Variants in EYA1 observed in about 807,000 individuals in gnomAD.
The protein encoded by EYA1 is protein phosphatase EYA1.
In EYA1, 16 loss-of-function variants were observed where a neutral mutation model predicts 82.0. That is an observed-to-expected ratio of 0.20 (90% confidence interval 0.13 to 0.30). The LOEUF (loss-of-function observed/expected upper bound fraction) is 0.30. EYA1 is among the 10% of genes least tolerant of loss of function. The pLI, the probability that EYA1 is intolerant of heterozygous loss-of-function variation, is 1.00. For missense variants in EYA1, 633 were observed against 730.7 expected (o/e 0.87, Z 1.54); for synonymous variants, 261 against 264.4 (o/e 0.99, Z 0.12).
At chr8:71,472,344 G>A (rs1343582248) in intron 2 of EYA1, among the ~76,000 whole-genome samples, 1 of 152,100 alleles carries the variant, frequency 6.6e-6, no homozygotes, top group Admixed American at 6.6e-5. Context: ...CTATTGAAAT[G>A]ATGGTGATGT....
chr8:71,442,103 C>T (rs778379601), intron 2 of EYA1, among the ~76,000 whole-genome samples: 31 of 152,152 alleles, frequency 2.0e-4, no homozygotes, highest in Non-Finnish European at 4.3e-4. Context: ...TTATAATAGT[C>T]TAAGAAGACT....
chr8:71,205,629 ATTATAGAG>A (rs1432494465), intron 17 of EYA1, among the ~76,000 whole-genome samples: 1 of 152,190 alleles, frequency 6.6e-6, no homozygotes, highest in African/African-American at 2.4e-5. Context: ...TATGATGCAA[ATTATAGAG>A]TTAAATTACT....
In EYA1 at chr8:71,397,288, A is replaced by G. The variant is rs183129394; in HGVS notation, c.34-40777T>C. ...TAATTGGAGCATTTAGCCTATTTAC[A>G]TTTAAGGTTAATATTGTTATGTGTG... On this transcript the variant is annotated intron_variant, in intron 2 of 18. Transcript: ENST00000643681. 1.2e-3 allele frequency among the ~76,000 whole-genome samples: 180 copies of G among 152,240 alleles called. 2 individuals are homozygous for G. The highest frequency in any genetic ancestry group is 2.3e-3 in the Non-Finnish European group (154 of 68,010).
At chr8:71,436,636 C>T (rs1422562466) in intron 2 of EYA1, among the ~76,000 whole-genome samples, 1 of 152,132 alleles carries the variant, frequency 6.6e-6, no homozygotes, top group African/African-American at 2.4e-5. Context: ...GGAATAAATG[C>T]ATCCTCCAGA....
intron 2 of EYA1, among the ~76,000 whole-genome samples, chr8:71,375,866 T>A (rs1586581029): frequency 6.6e-6 from 1 of 152,144 alleles, no homozygotes; most frequent in Admixed American, 6.5e-5. Context: ...TGACCTCAGG[T>A]GATCCACCTG....
chr8:71,499,390 A>C (rs1267671487), intron 2 of EYA1, among the ~76,000 whole-genome samples: 1 of 152,184 alleles, frequency 6.6e-6, no homozygotes, highest in Admixed American at 6.5e-5. Flanking sequence ...GAAGTAGTAC[A>C]ATCATCTCTA....
intron 11 of EYA1, among the ~76,000 whole-genome samples, chr8:71,258,354 G>T (rs1216696447): frequency 6.6e-6 from 1 of 152,200 alleles, no homozygotes; most frequent in Admixed American, 6.5e-5. Context: ...AGTCCATATA[G>T]CCCTGGAGGT....
intron 2 of EYA1, among the ~76,000 whole-genome samples, chr8:71,488,928 G>A (rs1429748814): frequency 1.3e-5 from 2 of 152,150 alleles, no homozygotes; most frequent in Non-Finnish European, 2.9e-5. Flanking sequence ...GCTTTAGAAT[G>A]TATCTCCTGT....
chr8:71,259,802 T>C (rs977632706), intron 11 of EYA1, among the ~76,000 whole-genome samples: 1 of 152,204 alleles, frequency 6.6e-6, no homozygotes, highest in East Asian at 1.9e-4. Flanking sequence ...AAAAACAAAA[T>C]ATCTCTTCTC....
Position 71,356,506 on chromosome 8 carries a change from T to A in EYA1, c.-49A>T. The stretch of plus-strand genomic sequence containing the variant: ...CAACATCTGAACTGGCTTGAGATGT[T>A]TGCACCTGTGATCAGGGGTAAAAAA... On this transcript the variant is annotated 5_prime_UTR_variant, in exon 2 of 18. Coordinates refer to ENST00000340726, the MANE Select transcript of EYA1 (RefSeq NM_000503.6). 1 of 1,576,540 alleles carries A rather than the reference T, an allele frequency of 6.3e-7. No homozygotes were observed. Among genetic ancestry groups the A allele is most frequent in the African/African-American group, 1.3e-5 (1 of 74,288 alleles).
intron 2 of EYA1, among the ~76,000 whole-genome samples, chr8:71,535,483 G>A (rs568131427): frequency 2.0e-5 from 3 of 152,196 alleles, no homozygotes; most frequent in African/African-American, 7.2e-5. Context: ...ATGCATATTG[G>A]GATAATTACA....
chr8:71,253,707 T>G (rs1814032811), intron 11 of EYA1, among the ~76,000 whole-genome samples: 1 of 152,124 alleles, frequency 6.6e-6, no homozygotes, highest in African/African-American at 2.4e-5. Context: ...GTTCTCTCAC[T>G]TGAAACTAAG....
At chr8:71,392,565 G>T (rs1829341210) in intron 2 of EYA1, among the ~76,000 whole-genome samples, 1 of 152,124 alleles carries the variant, frequency 6.6e-6, no homozygotes, top group Admixed American at 6.6e-5. Flanking sequence ...ATAGGCTGTA[G>T]TGAGCTTACT....
intron 2 of EYA1, among the ~76,000 whole-genome samples, chr8:71,428,292 C>T (rs1217993390): frequency 6.6e-6 from 1 of 152,134 alleles, no homozygotes; most frequent in East Asian, 1.9e-4. Context: ...TCAGTTGATG[C>T]TTTAAAACAA....
intron 9 of EYA1, among the ~76,000 whole-genome samples, chr8:71,281,620 T>G (rs1817824256): frequency 1.3e-5 from 2 of 152,260 alleles, no homozygotes; most frequent in Admixed American, 1.3e-4. Context: ...CTGTGATTCT[T>G]GCATCACTGG....
chr8:71,503,051 T>C (rs1811930673), intron 2 of EYA1, among the ~76,000 whole-genome samples: 2 of 152,224 alleles, frequency 1.3e-5, no homozygotes, highest in South Asian at 4.1e-4. Flanking sequence ...TTTCTATACA[T>C]ACATTTCTTT....
At chr8:71,431,550 G>A (rs539522942) in intron 2 of EYA1, among the ~76,000 whole-genome samples, 1 of 152,254 alleles carries the variant, frequency 6.6e-6, no homozygotes, top group Non-Finnish European at 1.5e-5. Context: ...GACATGTATA[G>A]GAAACAGAAT....
intron 2 of EYA1, among the ~76,000 whole-genome samples, chr8:71,381,816 G>C (rs1259542932): frequency 2.0e-5 from 3 of 152,052 alleles, no homozygotes; most frequent in African/African-American, 7.3e-5. Flanking sequence ...TACACAATCT[G>C]GTGTGCAGAC....
rs367978872 is a variant in EYA1, at chr8:71,215,600, G to T, written c.1475+14C>A. Reference sequence around the variant, plus strand: ...TTGCCCATTTCCTGGCAAAGACCCCGCAGAGAGCCTCACCGGGAGTGAATG... The same window carrying T: ...TTGCCCATTTCCTGGCAAAGACCCCTCAGAGAGCCTCACCGGGAGTGAATG... On this transcript the variant is annotated intron_variant, in intron 15 of 17. Transcript: ENST00000340726. The T allele has an allele frequency of 3.1e-6, 5 of 1,611,136 alleles. No individual in the cohort carries two copies. The highest frequency in any genetic ancestry group is 1.7e-6 in the Non-Finnish European group (2 of 1,177,444).
Sources: gnomAD v4.1 joint callset for allele counts (sites outside exome capture counted in the v4.1 genomes callset) on GRCh38, gnomAD v4.1.1 for gene constraint, MANE v1.5 for transcripts, NCBI Gene and HGNC (gene_info 2026-07-23, HGNC 2026-07-21) for gene names.